The following WDR70 variants were observed in gnomAD, a reference collection of about 807,000 sequenced individuals.
The protein encoded by WDR70 is WD repeat-containing protein 70.
In WDR70, 53 loss-of-function variants were observed where a neutral mutation model predicts 88.6. That is an observed-to-expected ratio of 0.60 (90% CI 0.48 to 0.75). The LOEUF is 0.75. Among genes scored for constraint, WDR70 ranks in the 30% least tolerant of loss-of-function variants. The pLI is 0.00. For missense variants in WDR70, 610 were observed against 823.2 expected (o/e 0.74, Z 3.17); for synonymous variants, 280 against 270.0 (o/e 1.04, Z -0.36).
At chr5:37,615,555 G>C (rs1581437480) in intron 10 of WDR70, among the ~76,000 whole-genome samples, 1 of 152,166 alleles carries the variant, frequency 6.6e-6, no homozygotes, top group African/African-American at 2.4e-5. Context: ...TTCTGTTGAG[G>C]TGATGAAATA....
chr5:37,746,832 C>T (rs553155593), intron 17 of WDR70, among the ~76,000 whole-genome samples: 79 of 152,274 alleles, frequency 5.2e-4, no homozygotes, highest in Non-Finnish European at 9.3e-4. Context: ...CAAATTCTAC[C>T]GGAAGTACAA....
In WDR70 at chr5:37,438,022, G is replaced by A. The variant is rs1174402020; in HGVS notation, c.552+41G>A. 3.2e-6 allele frequency: 5 copies of A among 1,540,520 alleles called. No individual in the cohort carries two copies. The African/African-American group carries it at 6.8e-5, about 21-fold the overall frequency. ...TAGTTTTTTCCTCTCTCAAATTACA[G>A]GGCTGTCATGGAAAAGTGAACTGAT... is the stretch of plus-strand genomic sequence containing the variant. On this transcript the variant is annotated intron_variant, in intron 6 of 17. Transcript: ENST00000265107.
chr5:37,749,833 A>AAAG (rs1353877505), intron 17 of WDR70, among the ~76,000 whole-genome samples: 1 of 151,006 alleles, frequency 6.6e-6, no homozygotes, highest in Non-Finnish European at 1.5e-5. Flanking sequence ...ACTAGGTGAA[A>AAAG]AAAAAAACCA....
intron 9 of WDR70, among the ~76,000 whole-genome samples, chr5:37,541,511 A>G (rs1741815106): frequency 6.6e-6 from 1 of 152,220 alleles, no homozygotes; most frequent in Non-Finnish European, 1.5e-5. Context: ...ATAGTAACTC[A>G]TTGTGAAATG....
At position 37,546,181 on chromosome 5, in the gene WDR70, T is replaced by C. The variant is rs1290457826; in HGVS notation, c.917+29591T>C. ...TGTTTAATTTACATTTTTCTAGTACTTTCAGCTTACTTAGACATATTTTTA... is the reference window on the plus strand; with the variant it reads ...TGTTTAATTTACATTTTTCTAGTACCTTCAGCTTACTTAGACATATTTTTA... On this transcript the variant is annotated intron_variant, in intron 9 of 17. Transcript: ENST00000265107. Among the ~76,000 whole-genome samples the C allele has an allele frequency of 2.6e-5, 4 of 152,214 alleles. No individual in the cohort carries two copies. In the East Asian group the frequency reaches 7.7e-4, roughly 29 times the overall value.
At chr5:37,512,613 GCT>G (rs1467323823) in intron 8 of WDR70, among the ~76,000 whole-genome samples, 1 of 146,298 alleles carries the variant, frequency 6.8e-6, no homozygotes, top group African/African-American at 2.5e-5. Flanking sequence ...ACAGGGTCTT[GCT>G]CTCTTGCCCA....
At chr5:37,598,593 A>T (rs1247547543) in intron 9 of WDR70, among the ~76,000 whole-genome samples, 1 of 152,226 alleles carries the variant, frequency 6.6e-6, no homozygotes, top group Non-Finnish European at 1.5e-5. Flanking sequence ...GGAAAGGGAA[A>T]GAAAGCAGTT....
At chr5:37,497,280 C>CTCCCTTTTCCCT (rs1740250626) in intron 8 of WDR70, among the ~76,000 whole-genome samples, 1 of 148,540 alleles carries the variant, frequency 6.7e-6, no homozygotes, top group African/African-American at 2.5e-5. Flanking sequence ...TCCCTTTTCC[C>CTCCCTTTTCCCT]TCCCTTTTCC....
At chr5:37,706,774 C>A (rs1304866681) in intron 13 of WDR70, among the ~76,000 whole-genome samples, 1 of 152,038 alleles carries the variant, frequency 6.6e-6, no homozygotes, top group Non-Finnish European at 1.5e-5. Flanking sequence ...CTCTCTCTCT[C>A]CCCTCATTTG....
At chr5:37,712,254 G>A (rs950527234) in intron 13 of WDR70, among the ~76,000 whole-genome samples, 2 of 152,012 alleles carry the variant, frequency 1.3e-5, no homozygotes, top group African/African-American at 2.4e-5. Flanking sequence ...GCCTCCCAAA[G>A]TGTTGGGATT....
At chr5:37,595,438 A>G (rs1743674678) in intron 9 of WDR70, among the ~76,000 whole-genome samples, 1 of 152,220 alleles carries the variant, frequency 6.6e-6, no homozygotes, top group Non-Finnish European at 1.5e-5. Context: ...TGAGAGAACT[A>G]AAAGATCTAT....
At chr5:37,566,124 C>T (rs577841110) in intron 9 of WDR70, among the ~76,000 whole-genome samples, 1 of 152,180 alleles carries the variant, frequency 6.6e-6, no homozygotes, top group South Asian at 2.1e-4. Context: ...GCCATTTTCC[C>T]TTTACTCCAG....
chr5:37,573,144 T>C (rs1742955215), intron 9 of WDR70, among the ~76,000 whole-genome samples: 1 of 152,226 alleles, frequency 6.6e-6, no homozygotes, highest in African/African-American at 2.4e-5. Flanking sequence ...CTGGAAGTTA[T>C]GTAAGCTAAC....
At position 37,396,644 on chromosome 5, in the gene WDR70, G is replaced by GT. The variant is rs887919392; in HGVS notation, c.492+79dup. 147 of 1,449,800 alleles carry GT rather than the reference G, an allele frequency of 1.0e-4. 1 individual carries two copies. Among genetic ancestry groups the GT allele is most frequent in the Non-Finnish European group, 1.3e-4 (141 of 1,107,188 alleles). The allele number at this position is 1,449,800 out of a possible 1,614,324, so 89.8% of individuals were successfully genotyped here. ...CTGTAGAGATCAGTTCTGCTAAACT[G>GT]TTTTTCATGAGTAAGAGCCAATTTA... is the stretch of plus-strand genomic sequence containing the variant. On this transcript the variant is annotated intron_variant, in intron 5 of 17. Transcript: ENST00000265107.
At chr5:37,642,184 C>A (rs1412400080) in intron 10 of WDR70, among the ~76,000 whole-genome samples, 2 of 152,112 alleles carry the variant, frequency 1.3e-5, no homozygotes, top group Non-Finnish European at 2.9e-5. Flanking sequence ...TCTTAGCCCT[C>A]TGATACCATC....
At chr5:37,470,017 A>G (rs751832022) in intron 7 of WDR70, among the ~76,000 whole-genome samples, 6 of 152,158 alleles carry the variant, frequency 3.9e-5, no homozygotes, top group African/African-American at 4.8e-5. Flanking sequence ...TTCACCTTTT[A>G]TTGTATAAAA....
intron 10 of WDR70, among the ~76,000 whole-genome samples, chr5:37,670,997 A>C (rs1746008316): frequency 6.6e-6 from 1 of 152,224 alleles, no homozygotes; most frequent in African/African-American, 2.4e-5. Context: ...AAACAGGAGA[A>C]AGTTATATTC....
rs186734590 is a variant in WDR70 at position 37,545,668 on chromosome 5, T to C, written c.917+29078T>C. Among the ~76,000 whole-genome samples the C allele has an allele frequency of 5.9e-5, 9 of 152,152 alleles. No individual in the cohort carries two copies. The South Asian group carries it at 1.7e-3, about 28-fold the overall frequency. ...TCCTGAGTAGCTGGGATTACAGGTA[T>C]GCACCACCATGCCCAGCTAATTTTT... On this transcript the variant is annotated intron_variant, in intron 9 of 17. Coordinates refer to ENST00000265107, the MANE Select transcript of WDR70 (RefSeq NM_018034.4).
intron 17 of WDR70, among the ~76,000 whole-genome samples, chr5:37,728,493 ATGTTTCATGATTTTGATGCTTTTAAT>A (rs1472553469): frequency 6.6e-6 from 1 of 151,556 alleles, no homozygotes; most frequent in Non-Finnish European, 1.5e-5. Context: ...TACCTTTCCT[ATGTTTCATGATTTTGATGCTTTTAAT>A]GAATACTGGT....
Sources: gnomAD v4.1 joint callset for allele counts (sites outside exome capture counted in the v4.1 genomes callset) on GRCh38, gnomAD v4.1.1 for gene constraint, MANE v1.5 for transcripts, NCBI Gene and HGNC (gene_info 2026-07-23, HGNC 2026-07-21) for gene names.